CCNY: variants seen among roughly 807,000 people sequenced by gnomAD.
CCNY encodes the protein cyclin-Y.
A neutral mutation model predicts 42.8 loss-of-function variants in CCNY; 19 were observed. That is an observed-to-expected ratio of 0.44 (90% CI 0.31 to 0.65). The LOEUF (loss-of-function observed/expected upper bound fraction) is 0.65. Among genes scored for constraint, CCNY ranks in the 30% least tolerant of loss-of-function variants. CCNY has a pLI of 0.07. For synonymous variants in CCNY, 165 were observed against 162.7 expected (o/e 1.01, Z -0.11); for missense variants, 370 against 437.3 (o/e 0.85, Z 1.37).
At chr10:35,370,863 C>T (rs1488976842) in intron 1 of CCNY, among the ~76,000 whole-genome samples, 1 of 151,314 alleles carries the variant, frequency 6.6e-6, no homozygotes, top group African/African-American at 2.4e-5. Context: ...CTACAGGCAC[C>T]TGCCACCACG....
intron 5 of CCNY, among the ~76,000 whole-genome samples, chr10:35,528,730 T>A (rs1005479085): frequency 6.6e-6 from 1 of 152,076 alleles, no homozygotes; most frequent in Non-Finnish European, 1.5e-5. Context: ...TCTCAAAAAA[T>A]AATAATAATA....
At chr10:35,470,298 A>G (rs1373954032) in intron 1 of CCNY, among the ~76,000 whole-genome samples, 1 of 151,666 alleles carries the variant, frequency 6.6e-6, no homozygotes, top group East Asian at 1.9e-4. Context: ...GACAGAGGGA[A>G]GGAGAGGCAA....
Position 35,516,571 on chromosome 10 carries a change from T to G in CCNY, c.313T>G (p.Phe105Val). Residue 105 changes from phenylalanine (F) to valine (V), a missense_variant, in exon 4 of 10, where the codon TTC becomes GTC. Physicochemically the swap from Phe to Val is conservative, Grantham distance 50. Around this residue, in one of 2 missense-constraint regions of CCNY, gnomAD observed 234 missense variants for 313.1 expected, o/e 0.75. Coordinates refer to ENST00000374704, the MANE Select transcript of CCNY (RefSeq NM_145012.6). Reference sequence around the variant, plus strand: ...GAAATACAGTTCCTGCTCCACCATTTTCCTAGATGATAGCACAGTCAGTCA... The same window carrying G: ...GAAATACAGTTCCTGCTCCACCATTGTCCTAGATGATAGCACAGTCAGTCA... The part of the protein sequence containing the change: ...ARKYSSCSTI[F>V]LDDSTVSQPN... The G allele has an allele frequency of 6.2e-7, 1 of 1,613,796 alleles. No individual in the cohort carries two copies. Among genetic ancestry groups the G allele is most frequent in the Non-Finnish European group, 8.5e-7 (1 of 1,179,842 alleles).
chr10:35,501,623 CAT>C (rs1372764630), intron 3 of CCNY, 88 bp downstream of exon 3: 1 of 1,171,292 alleles, frequency 8.5e-7, no homozygotes, highest in Non-Finnish European at 1.3e-6. Flanking sequence ...GAAAATGGCT[CAT>C]GTGCTTTGTA....
At chr10:35,437,050 A>G (rs1225165286) in intron 1 of CCNY, among the ~76,000 whole-genome samples, 1 of 152,214 alleles carries the variant, frequency 6.6e-6, no homozygotes, top group Non-Finnish European at 1.5e-5. Flanking sequence ...GGAAATGTCA[A>G]ACGCTTATAA....
intron 1 of CCNY, among the ~76,000 whole-genome samples, chr10:35,453,160 C>G (rs1244597580): frequency 6.6e-6 from 1 of 152,128 alleles, no homozygotes. Flanking sequence ...TGATCTCAAA[C>G]TTCTGGGCTT....
intron 3 of CCNY, among the ~76,000 whole-genome samples, chr10:35,280,172 C>G (rs1045047617): frequency 6.6e-5 from 10 of 152,024 alleles, no homozygotes; most frequent in African/African-American, 2.4e-4. Context: ...ACAAAAAATA[C>G]AAAAATTAGC....
chr10:35,318,603 G>C (rs1445619217), intron 3 of CCNY, among the ~76,000 whole-genome samples: 1 of 152,128 alleles, frequency 6.6e-6, no homozygotes, highest in Admixed American at 6.6e-5. Flanking sequence ...GGATCACAAG[G>C]CAGTTTTCTT....
chr10:35,262,817 T>C (rs1213142548), intron 3 of CCNY, among the ~76,000 whole-genome samples: 2 of 152,156 alleles, frequency 1.3e-5, no homozygotes, highest in East Asian at 3.9e-4. Context: ...TTAACCAGTC[T>C]TTTCTCGGAA....
chr10:35,412,905 C>CGCGGCGG (rs1457849880), intron 1 of CCNY, among the ~76,000 whole-genome samples: 1 of 139,012 alleles, frequency 7.2e-6, no homozygotes, highest in African/African-American at 2.8e-5. Context: ...GCGCGGCGGG[C>CGCGGCGG]AAGAGGATGT....
At position 35,412,860 on chromosome 10, in the gene CCNY, CAAAAAAAA is replaced by C. The variant is rs10558250; in HGVS notation, c.155-70523_155-70516del. On this transcript the variant is annotated intron_variant, in intron 1 of 9. Coordinates refer to ENST00000374704, the MANE Select transcript of CCNY (RefSeq NM_145012.6). ...TGGGCGACAGAGCGAGACTCTGTCT[CAAAAAAAA>C]AAAAAAAAAAAAAAAAAAAAGAATT... is the stretch of plus-strand genomic sequence containing the variant. Among the ~76,000 whole-genome samples, 18 of 34,766 alleles carry C rather than the reference CAAAAAAAA, an allele frequency of 5.2e-4. No individual in the cohort carries two copies. The East Asian group carries it at 8.1e-3, about 16-fold the overall frequency. 22.8% of individuals were successfully genotyped at this position (34,766 alleles called of 152,430 possible). A position where few individuals can be genotyped will look rare whatever the true frequency, so the allele number is the denominator to read the frequency against.
At chr10:35,306,993 T>C (rs916143872) in intron 3 of CCNY, among the ~76,000 whole-genome samples, 2 of 152,150 alleles carry the variant, frequency 1.3e-5, no homozygotes, top group Non-Finnish European at 2.9e-5. Flanking sequence ...CCTACTCACC[T>C]GAGGGCGTGC....
chr10:35,483,493 T>G lies in CCNY; in HGVS notation c.229+15T>G, dbSNP rs779516097. The G allele has an allele frequency of 3.9e-6, 6 of 1,539,060 alleles. No individual in the cohort carries two copies. In the African/African-American group the frequency reaches 6.9e-5, roughly 18 times the overall value. ...TCAGACGGACGGTAGGTCCTTAATTTATGTTTCTTTTTGTAAAAAAGGCTC... is the reference window on the plus strand; with the variant it reads ...TCAGACGGACGGTAGGTCCTTAATTGATGTTTCTTTTTGTAAAAAAGGCTC... On this transcript the variant is annotated intron_variant, in intron 2 of 9. Coordinates refer to ENST00000374704, the MANE Select transcript of CCNY (RefSeq NM_145012.6).
At chr10:35,529,838 C>T in intron 5 of CCNY, 135 bp from the exon 6 acceptor site, 2 of 774,164 alleles carry the variant, frequency 2.6e-6, no homozygotes, top group Non-Finnish European at 4.2e-6. Flanking sequence ...CCACTGCACT[C>T]CAGCCTGGGC....
At chr10:35,396,854 C>A (rs1837537664) in intron 1 of CCNY, among the ~76,000 whole-genome samples, 1 of 152,214 alleles carries the variant, frequency 6.6e-6, no homozygotes, top group Non-Finnish European at 1.5e-5. Context: ...GTTCAGGCAG[C>A]CTTGTCTGGC....
intron 1 of CCNY, among the ~76,000 whole-genome samples, chr10:35,383,675 T>A (rs1837241884): frequency 6.6e-6 from 1 of 152,214 alleles, no homozygotes; most frequent in South Asian, 2.1e-4. Context: ...TCTCAACTGT[T>A]CTGATTGTGT....
chr10:35,542,780 CTT>C (rs1841031210), intron 7 of CCNY, among the ~76,000 whole-genome samples: 1 of 152,194 alleles, frequency 6.6e-6, no homozygotes, highest in South Asian at 2.1e-4. Flanking sequence ...TTATGGGTCA[CTT>C]TTAATAGATT....
intron 1 of CCNY, among the ~76,000 whole-genome samples, chr10:35,462,403 T>C (rs190728994): frequency 6.6e-6 from 1 of 152,334 alleles, no homozygotes; most frequent in African/African-American, 2.4e-5. Context: ...TCTCTGCATC[T>C]TCACCCTCAT....
chr10:35,556,478 C>T (rs2135454921), intron 8 of CCNY, among the ~76,000 whole-genome samples: 1 of 152,330 alleles, frequency 6.6e-6, no homozygotes, highest in South Asian at 2.1e-4. Flanking sequence ...TGTGATCCAT[C>T]TATAATATAC....
Sources: gnomAD v4.1 joint callset for allele counts (sites outside exome capture counted in the v4.1 genomes callset) on GRCh38, gnomAD v4.1.1 for gene constraint, gnomAD v4.1.1 regional missense constraint, MANE v1.5 for transcripts, NCBI Gene and HGNC (gene_info 2026-07-23, HGNC 2026-07-21) for gene names.